The following REPS2 variants were observed in gnomAD, a reference collection of about 807,000 sequenced individuals.
The protein encoded by REPS2 is ralBP1-associated Eps domain-containing protein 2.
A neutral mutation model predicts 53.6 loss-of-function variants in REPS2; 23 were observed. That is an observed-to-expected ratio of 0.43 (90% CI 0.31 to 0.61). The LOEUF is 0.61. Ranked by LOEUF, REPS2 falls within the 20% of genes least tolerant of loss-of-function variation. REPS2 has a pLI of 0.11. For synonymous variants in REPS2, 238 were observed against 218.6 expected (o/e 1.09, Z -0.78); for missense variants, 446 against 534.9 (o/e 0.83, Z 1.64).
chrX:16,966,003 G>C (rs1012595737), intron 1 of REPS2, among the ~76,000 whole-genome samples: 5 of 112,465 alleles, frequency 4.4e-5, no homozygotes, highest in Admixed American at 3.7e-4. Flanking sequence ...GCAGGCACTC[G>C]GCAAGCTGAG....
intron 13 of REPS2, among the ~76,000 whole-genome samples, chrX:17,082,188 G>C (rs1267546649): frequency 1.8e-5 from 2 of 112,025 alleles, no homozygotes; most frequent in African/African-American, 6.5e-5. Flanking sequence ...GCTCTGCCTT[G>C]TTCCAGTCAT....
intron 13 of REPS2, among the ~76,000 whole-genome samples, chrX:17,082,094 A>G (rs904800366): frequency 8.2e-5 from 9 of 110,389 alleles, no homozygotes; most frequent in Non-Finnish European, 1.1e-4. Context: ...CCTCTCTTCT[A>G]CTCTTGATTC....
At chrX:17,102,566 T>C (rs765709469) in intron 13 of REPS2, among the ~76,000 whole-genome samples, 1 of 112,079 alleles carries the variant, frequency 8.9e-6, no homozygotes, top group Non-Finnish European at 1.9e-5. Flanking sequence ...ATGTGTTTCA[T>C]AAATTTTAAT....
intron 13 of REPS2, among the ~76,000 whole-genome samples, chrX:17,100,948 A>G (rs1428206051): frequency 9.0e-6 from 1 of 111,507 alleles, no homozygotes; most frequent in East Asian, 2.8e-4. Flanking sequence ...GTCAAGTATA[A>G]TATTTTTGAT....
At chrX:17,010,318 A>G (rs2061413081) in intron 2 of REPS2, among the ~76,000 whole-genome samples, 1 of 112,371 alleles carries the variant, frequency 8.9e-6, no homozygotes, top group African/African-American at 3.2e-5. Context: ...CATTGCCGTC[A>G]GACAAGAATT....
At chrX:17,076,836 G>A (rs1380185370) in intron 12 of REPS2, among the ~76,000 whole-genome samples, 1 of 111,571 alleles carries the variant, frequency 9.0e-6, no homozygotes, top group Non-Finnish European at 1.9e-5. Context: ...CAGCTTATCT[G>A]TCCCAATTCC....
intron 5 of REPS2, among the ~76,000 whole-genome samples, chrX:17,037,134 C>T (rs189369062): frequency 1.7e-3 from 183 of 110,879 alleles, no homozygotes; most frequent in Non-Finnish European, 2.2e-3. Flanking sequence ...TTATTTTCTT[C>T]ACCTGCTTGT....
Position 17,133,923 on chromosome X carries a change from G to T in REPS2, c.1662+16G>T, listed in dbSNP as rs1448614781. 1 of 1,172,237 alleles carries T rather than the reference G, an allele frequency of 8.5e-7. No individual in the cohort carries two copies. The highest frequency in any genetic ancestry group is 1.8e-5 in the South Asian group (1 of 56,044). On this transcript the variant is annotated intron_variant, in intron 15 of 17. Transcript: ENST00000357277. ...AGCAAAGAAGGTAAGGTCAGCCTGAGGATGCTGTCAGATGGCGTTGCGAGT... is the reference window on the plus strand; with the variant it reads ...AGCAAAGAAGGTAAGGTCAGCCTGATGATGCTGTCAGATGGCGTTGCGAGT...
At chrX:17,138,536 GT>G (rs1436692250) in intron 16 of REPS2, 3 of 147,542 alleles carry the variant, frequency 2.0e-5, no homozygotes, top group Non-Finnish European at 3.9e-5. Context: ...GGGCATTCCA[GT>G]TAATATGGTT....
At chrX:17,122,331 T>C (rs1208611184) in intron 14 of REPS2, among the ~76,000 whole-genome samples, 2 of 112,437 alleles carry the variant, frequency 1.8e-5, no homozygotes, top group East Asian at 5.6e-4. Flanking sequence ...TGTCTGGCTT[T>C]TTATTAAATG....
At chrX:17,177,285 T>C in the REPS2 span, among the ~76,000 whole-genome samples, 1 of 112,192 alleles carries the variant, frequency 8.9e-6, no homozygotes, top group Admixed American at 9.4e-5. Context: ...CCAAATCCTT[T>C]CTCATTGGAA....
chrX:16,973,796 AT>A (rs1333863138), intron 1 of REPS2, among the ~76,000 whole-genome samples: 1 of 104,373 alleles, frequency 9.6e-6, no homozygotes, highest in East Asian at 2.8e-4. Context: ...TTTTATATAT[AT>A]TTTATATATC....
At chrX:16,989,589 A>G (rs2061136750) in intron 1 of REPS2, among the ~76,000 whole-genome samples, 1 of 112,399 alleles carries the variant, frequency 8.9e-6, no homozygotes, top group African/African-American at 3.2e-5. Context: ...AAAACTTAAC[A>G]GTAGAAAACA....
At chrX:17,086,650 A>G (rs754764796) in intron 13 of REPS2, among the ~76,000 whole-genome samples, 15 of 111,538 alleles carry the variant, frequency 1.3e-4, no homozygotes, top group African/African-American at 4.9e-4. Flanking sequence ...AAATGGCGAT[A>G]CTCTATTTTT....
At chrX:17,059,868 A>G (rs767816960) in intron 8 of REPS2, among the ~76,000 whole-genome samples, 16 of 111,498 alleles carry the variant, frequency 1.4e-4, no homozygotes, top group African/African-American at 4.2e-4. Context: ...CTTCAAGGAC[A>G]GAGTTGTATT....
chrX:17,047,324 T>C lies in REPS2; in HGVS notation c.772-23T>C, dbSNP rs779565113. 2.5e-6 allele frequency: 3 copies of C among 1,207,313 alleles called. No homozygotes were observed. In the Admixed American group the frequency reaches 6.6e-5, roughly 26 times the overall value. On this transcript the variant is annotated intron_variant, in intron 5 of 17. Transcript: ENST00000357277. ...ACTAAAGACAGGTTCTCTGAGCATT[T>C]ACTTTTTAATTTATTCTTACAGTCC...
At chrX:17,010,011 A>G (rs1430908796) in intron 2 of REPS2, among the ~76,000 whole-genome samples, 2 of 110,754 alleles carry the variant, frequency 1.8e-5, no homozygotes, top group Non-Finnish European at 3.8e-5. Flanking sequence ...TTGGGTTCCT[A>G]GGGATCTGTT....
chrX:17,077,879 G>C (rs901335934), intron 13 of REPS2, among the ~76,000 whole-genome samples: 1 of 112,334 alleles, frequency 8.9e-6, no homozygotes. Context: ...TAATGCTGAG[G>C]GGACTCTGAA....
chrX:17,098,379 A>AT (rs748099432), intron 13 of REPS2, among the ~76,000 whole-genome samples: 4 of 112,047 alleles, frequency 3.6e-5, no homozygotes, highest in Non-Finnish European at 7.5e-5. Context: ...ATAATAATCT[A>AT]TTTTTTTCAG....
Sources: gnomAD v4.1 joint callset for allele counts (sites outside exome capture counted in the v4.1 genomes callset) on GRCh38, gnomAD v4.1.1 for gene constraint, MANE v1.5 for transcripts, NCBI Gene and HGNC (gene_info 2026-07-23, HGNC 2026-07-21) for gene names.